Variants in SORCS3 observed in about 807,000 individuals in gnomAD.
SORCS3 encodes VPS10 domain-containing receptor SorCS3.
A neutral mutation model predicts 146.3 loss-of-function variants in SORCS3; 57 were observed. The observed-to-expected ratio is 0.39, with a 90% CI of 0.31 to 0.49. SORCS3 has a LOEUF of 0.49. Ranked by LOEUF, SORCS3 falls within the 20% of genes least tolerant of loss-of-function variation. The pLI is 0.92. For synonymous variants in SORCS3, 653 were observed against 618.5 expected, an observed-to-expected ratio of 1.06 and a Z score of -0.83; for missense variants, 1,341 against 1,575.5, an observed-to-expected ratio of 0.85 and a Z score of 2.52.
intron 4 of SORCS3, among the ~76,000 whole-genome samples, chr10:104,983,620 A>G (rs2054944680): frequency 6.6e-6 from 1 of 152,100 alleles, no homozygotes; most frequent in Non-Finnish European, 1.5e-5. Context: ...TGCTGCCTCT[A>G]TGAGCTGACC....
intron 7 of SORCS3, among the ~76,000 whole-genome samples, chr10:105,129,698 A>G (rs1057063224): frequency 6.9e-6 from 1 of 145,518 alleles, no homozygotes; most frequent in African/African-American, 2.5e-5. Context: ...CAAATAGGAA[A>G]GAGAAAGTGC....
chr10:105,105,833 A>G (rs1332715252), intron 7 of SORCS3, among the ~76,000 whole-genome samples: 3 of 152,120 alleles, frequency 2.0e-5, no homozygotes, highest in African/African-American at 4.8e-5. Flanking sequence ...GCCACATTCT[A>G]TTTCTACCCA....
intron 1 of SORCS3, among the ~76,000 whole-genome samples, chr10:104,663,545 T>C (rs1159531935): frequency 1.3e-5 from 2 of 152,196 alleles, no homozygotes; most frequent in Non-Finnish European, 2.9e-5. Flanking sequence ...TATGTTGTTA[T>C]GTGGTGGCTC....
At chr10:104,795,556 A>T (rs1360588962) in intron 1 of SORCS3, among the ~76,000 whole-genome samples, 1 of 152,276 alleles carries the variant, frequency 6.6e-6, no homozygotes, top group Non-Finnish European at 1.5e-5. Flanking sequence ...GGATATTTTC[A>T]AGCTGTGTGG....
chr10:105,019,793 C>T (rs1193472554), intron 4 of SORCS3, among the ~76,000 whole-genome samples: 2 of 152,148 alleles, frequency 1.3e-5, no homozygotes, highest in Non-Finnish European at 2.9e-5. Flanking sequence ...ATCACAATAC[C>T]TTGCACACAG....
chr10:104,758,460 C>T (rs554455162), intron 1 of SORCS3, among the ~76,000 whole-genome samples: 79 of 152,286 alleles, frequency 5.2e-4, no homozygotes, highest in African/African-American at 1.9e-3. Flanking sequence ...AAGTATGGCA[C>T]AGCCTTGAAC....
intron 4 of SORCS3, among the ~76,000 whole-genome samples, chr10:104,984,350 A>C (rs1444826136): frequency 1.1e-4 from 17 of 152,184 alleles, no homozygotes; most frequent in Admixed American, 1.1e-3. Context: ...AAAATGTATC[A>C]CTTTCTGTAC....
intron 1 of SORCS3, among the ~76,000 whole-genome samples, chr10:104,706,126 C>T (rs958083360): frequency 2.6e-5 from 4 of 151,796 alleles, no homozygotes; most frequent in Admixed American, 2.6e-4. Context: ...GTTTAAGCTC[C>T]TCTTCTTTGG....
At chr10:105,145,940 G>A (rs550441466) in intron 8 of SORCS3, among the ~76,000 whole-genome samples, 1 of 152,028 alleles carries the variant, frequency 6.6e-6, no homozygotes, top group African/African-American at 2.4e-5. Context: ...AGCTCTCTGT[G>A]GTGCTGACAT....
intron 1 of SORCS3, among the ~76,000 whole-genome samples, chr10:104,689,055 T>C (rs1450119925): frequency 6.6e-6 from 1 of 152,234 alleles, no homozygotes; most frequent in Non-Finnish European, 1.5e-5. Flanking sequence ...GCACTCACAC[T>C]TTGGCTCCTG....
intron 1 of SORCS3, among the ~76,000 whole-genome samples, chr10:104,683,130 C>T (rs947441349): frequency 4.6e-5 from 7 of 152,190 alleles, no homozygotes; most frequent in African/African-American, 1.7e-4. Context: ...GGTGCATCCC[C>T]AGCCAACTTT....
intron 3 of SORCS3, among the ~76,000 whole-genome samples, chr10:104,943,135 TA>T (rs1205792909): frequency 3.0e-4 from 45 of 151,960 alleles, no homozygotes; most frequent in African/African-American, 6.5e-4. Flanking sequence ...AAATATAAAA[TA>T]TTTTTTTTTA....
intron 1 of SORCS3, among the ~76,000 whole-genome samples, chr10:104,751,968 T>A (rs564207417): frequency 4.2e-4 from 54 of 128,446 alleles, no homozygotes; most frequent in South Asian, 1.6e-3. Flanking sequence ...TATATATATA[T>A]AATAGTTTAG....
chr10:105,110,718 C>T (rs967547291), intron 7 of SORCS3, among the ~76,000 whole-genome samples: 5 of 152,060 alleles, frequency 3.3e-5, no homozygotes, highest in Non-Finnish European at 4.4e-5. Flanking sequence ...ATTTTCATTA[C>T]GGATAGAGTT....
intron 8 of SORCS3, among the ~76,000 whole-genome samples, chr10:105,140,069 G>C (rs180974170): frequency 6.6e-6 from 1 of 152,238 alleles, no homozygotes; most frequent in Admixed American, 6.5e-5. Flanking sequence ...GTGAACATTG[G>C]CTTCTGGAGG....
At chr10:104,825,216 C>G (rs1218101243) in intron 1 of SORCS3, among the ~76,000 whole-genome samples, 8 of 152,134 alleles carry the variant, frequency 5.3e-5, no homozygotes. Flanking sequence ...AAGGAAGGAA[C>G]CTAATGCATG....
intron 1 of SORCS3, among the ~76,000 whole-genome samples, chr10:104,772,915 G>A (rs1486418014): frequency 6.6e-6 from 1 of 152,208 alleles, no homozygotes; most frequent in Non-Finnish European, 1.5e-5. Context: ...AGATGAACTA[G>A]ACCTGACCTC....
intron 4 of SORCS3, among the ~76,000 whole-genome samples, chr10:105,025,388 T>A (rs2055221621): frequency 1.3e-5 from 2 of 152,168 alleles, no homozygotes; most frequent in Non-Finnish European, 2.9e-5. Context: ...GCACTACATT[T>A]ACGGTGGCTA....
intron 1 of SORCS3, among the ~76,000 whole-genome samples, chr10:104,687,141 T>TCATCCATGCATC (rs1258403771): frequency 3.9e-5 from 6 of 152,082 alleles, no homozygotes; most frequent in African/African-American, 1.4e-4. Flanking sequence ...ATCCATGCAT[T>TCATCCATGCATC]CATCCATGCA....
Sources: gnomAD v4.1 joint callset for allele counts (sites outside exome capture counted in the v4.1 genomes callset) on GRCh38, gnomAD v4.1.1 for gene constraint, MANE v1.5 for transcripts, NCBI Gene and HGNC (gene_info 2026-07-23, HGNC 2026-07-21) for gene names.